The following PRKDC variants were observed in gnomAD, a reference collection of about 807,000 sequenced individuals.
The protein encoded by PRKDC is DNA-dependent protein kinase catalytic subunit.
In PRKDC, 82 loss-of-function variants were observed where a neutral mutation model predicts 486.9. The observed-to-expected ratio is 0.17, with a 90% CI of 0.14 to 0.20. The LOEUF is 0.20. Among genes scored for constraint, PRKDC ranks in the 10% least tolerant of loss-of-function variants. The pLI is 1.00. For missense variants in PRKDC, 4,504 were observed against 5,038.2 expected (o/e 0.89, Z 3.21); for synonymous variants, 1,895 against 1,837.0 (o/e 1.03, Z -0.81).
chr8:47,938,336 G>A (rs1016304007), intron 11 of PRKDC, among the ~76,000 whole-genome samples: 25 of 151,540 alleles, frequency 1.6e-4, no homozygotes, highest in African/African-American at 5.1e-4. Context: ...GCTTGAACCC[G>A]GGAGGTGGAG....
chr8:47,791,448 C>CT (rs1301253873), intron 74 of PRKDC, among the ~76,000 whole-genome samples: 1 of 152,124 alleles, frequency 6.6e-6, no homozygotes, highest in Non-Finnish European at 1.5e-5. Flanking sequence ...GCACTCTACC[C>CT]TGGGCAACAG....
chr8:47,850,356 T>G (rs532979376), intron 52 of PRKDC, among the ~76,000 whole-genome samples: 3 of 152,176 alleles, frequency 2.0e-5, no homozygotes, highest in Non-Finnish European at 4.4e-5. Flanking sequence ...ATGCAAAACG[T>G]TTTGAGCCTC....
At position 47,774,261 on chromosome 8, in the gene PRKDC, T is replaced by C; in HGVS notation, c.12299A>G (p.Glu4100Gly). 6.2e-7 allele frequency: 1 copy of C among 1,608,926 alleles called. No individual in the cohort carries two copies. Among genetic ancestry groups the C allele is most frequent in the Non-Finnish European group, 8.5e-7 (1 of 1,177,822 alleles). ...RAQEPESGLSEETQVKCLMDQ... is the reference protein window; with the variant it reads ...RAQEPESGLSGETQVKCLMDQ... ...CATCAGGCACTTCACTTGAGTCTCT[T>C]CTGAAAGCCCACTCTCTGGTTCTTG... Residue 4100 changes from glutamate to glycine, a missense_variant, in exon 86 of 86, where the codon GAA becomes GGA. Physicochemically the swap from Glu to Gly is moderately conservative, Grantham distance 98. Coordinates refer to ENST00000314191, the MANE Select transcript of PRKDC (RefSeq NM_006904.7).
chr8:47,907,392 A>G lies in PRKDC; in HGVS notation c.2935-2416T>C, dbSNP rs548967120. On this transcript the variant is annotated intron_variant, in intron 25 of 85. Transcript: ENST00000314191. The stretch of plus-strand genomic sequence containing the variant: ...CATAAGTTTTTTAATACATGTATAC[A>G]TAGCTATATATATATATATACACAC... Among the ~76,000 whole-genome samples, 40 of 137,662 alleles carry G rather than the reference A, an allele frequency of 2.9e-4. 1 individual carries two copies. The South Asian group carries it at 8.2e-3, about 28-fold the overall frequency. 90.3% of individuals were successfully genotyped at this position (137,662 alleles called of 152,430 possible).
intron 7 of PRKDC, among the ~76,000 whole-genome samples, chr8:47,948,380 T>TTACA (rs1427686950): frequency 6.6e-6 from 1 of 151,772 alleles, no homozygotes; most frequent in Admixed American, 6.6e-5. Context: ...AGTGCTGGGA[T>TTACA]TACAGGCGGG....
Position 47,773,592 on chromosome 8 carries a change from G to A in PRKDC, c.*581C>T. On this transcript the variant is annotated 3_prime_UTR_variant, in exon 86 of 86. Coordinates refer to ENST00000314191, the MANE Select transcript of PRKDC (RefSeq NM_006904.7). Reference sequence around the variant, plus strand: ...CTATCATAAAATGTCAAAACTAGAAGAGAATAAAATGAAAGGAAAAAACCT... The same window carrying A: ...CTATCATAAAATGTCAAAACTAGAAAAGAATAAAATGAAAGGAAAAAACCT... 4.5e-6 allele frequency: 1 copy of A among 220,716 alleles called. No homozygotes were observed. The highest frequency in any genetic ancestry group is 9.1e-6 in the Non-Finnish European group (1 of 110,428). The allele number at this position is 220,716 out of a possible 1,614,324, so 13.7% of individuals were successfully genotyped here.
intron 54 of PRKDC, among the ~76,000 whole-genome samples, chr8:47,843,688 C>T (rs965662226): frequency 6.6e-6 from 1 of 152,170 alleles, no homozygotes; most frequent in Admixed American, 6.5e-5. Context: ...ATCAGGCTAC[C>T]AGCGGGCCTC....
In PRKDC at chr8:47,929,959, A is replaced by G. The variant is rs2090223378; in HGVS notation, c.1946T>C (p.Phe649Ser). ...AGATTGCAAAATTAATTCATATGAA[A>G]ATGAGTACACCCATGGTTCAAAAAA... is the stretch of plus-strand genomic sequence containing the variant. ...AEFFEPWVYSFSYELILQSTR... is the reference protein window; with the variant it reads ...AEFFEPWVYSSSYELILQSTR... Residue 649 changes from phenylalanine (F) to serine (S), a missense_variant, in exon 18 of 86, where the codon TTT (phenylalanine) becomes TCT (serine). Physicochemically the swap from Phe to Ser is radical, Grantham distance 155. Around this residue, in one of 6 missense-constraint regions of PRKDC, gnomAD observed 1,969 missense variants for 2,068.9 expected, o/e 0.95. Coordinates refer to ENST00000314191, the MANE Select transcript of PRKDC (RefSeq NM_006904.7). 6.2e-7 allele frequency: 1 copy of G among 1,610,942 alleles called. No homozygotes were observed. Among genetic ancestry groups the G allele is most frequent in the Non-Finnish European group, 8.5e-7 (1 of 1,178,936 alleles).
rs772785569 is a variant in PRKDC at position 47,955,958 on chromosome 8, A to T, written c.325-10T>A. ...CACTGGTACAAGTGTTCTAGGTTTT[A>T]AAAAAAAAATAACCAAAATCATCAA... is the stretch of plus-strand genomic sequence containing the variant. On this transcript the variant is annotated splice_polypyrimidine_tract_variant and intron_variant, in intron 3 of 85. Transcript: ENST00000314191. 21 of 1,239,986 alleles carry T rather than the reference A, an allele frequency of 1.7e-5. No individual in the cohort carries two copies. The highest frequency in any genetic ancestry group is 2.2e-5 in the Non-Finnish European group (20 of 907,814). The allele number at this position is 1,239,986 out of a possible 1,614,324, so 76.8% of individuals were successfully genotyped here.
intron 73 of PRKDC, among the ~76,000 whole-genome samples, chr8:47,795,996 G>A (rs1450393386): frequency 1.3e-5 from 2 of 151,578 alleles, no homozygotes; most frequent in Middle Eastern, 3.4e-3. Context: ...CTGGGTTCAA[G>A]TGATTCTCCT....
At chr8:47,941,669 C>A (rs1018004612) in intron 10 of PRKDC, among the ~76,000 whole-genome samples, 12 of 152,162 alleles carry the variant, frequency 7.9e-5, no homozygotes, top group Admixed American at 3.9e-4. Flanking sequence ...GGCCCTTTAG[C>A]TGTAATAAAC....
intron 65 of PRKDC, 82 bp from the exon 66 acceptor site, chr8:47,821,025 G>A: frequency 1.1e-6 from 1 of 876,942 alleles, no homozygotes; most frequent in Non-Finnish European, 1.6e-6. Flanking sequence ...TATATTCTTT[G>A]CTATACTTTC....
chr8:47,860,803 T>G (rs1013459377), intron 45 of PRKDC, 96 bp downstream of exon 45: 4 of 920,320 alleles, frequency 4.3e-6, no homozygotes, highest in Non-Finnish European at 6.5e-6. Flanking sequence ...TCTATTTACA[T>G]AAAAAATACT....
chr8:47,958,519 T>C (rs888775955), intron 1 of PRKDC, among the ~76,000 whole-genome samples: 2 of 152,156 alleles, frequency 1.3e-5, no homozygotes, highest in African/African-American at 4.8e-5. Context: ...ACACTTCCCC[T>C]GGAATCTCTC....
At position 47,933,170 on chromosome 8, in the gene PRKDC, A is replaced by G; in HGVS notation, c.1626T>C (p.Asp542=). ...AAAATGCTTCATCTGCTAAAATAGA[A>G]TCCTTTAAATAAAGAAAAACAATAA... is the stretch of plus-strand genomic sequence containing the variant. ...RHLLSSDQMM[D]SILADEAFFS... Residue 542 remains aspartate (D), a splice_region_variant and synonymous_variant, in exon 16 of 86, where the codon GAT becomes GAC. Coordinates refer to ENST00000314191, the MANE Select transcript of PRKDC (RefSeq NM_006904.7). 6.7e-7 allele frequency: 1 copy of G among 1,493,966 alleles called. No individual in the cohort carries two copies. The highest frequency in any genetic ancestry group is 8.9e-7 in the Non-Finnish European group (1 of 1,123,832). The allele number at this position is 1,493,966 out of a possible 1,614,324, so 92.5% of individuals were successfully genotyped here.
chr8:47,896,557 G>C (rs2089585854), intron 30 of PRKDC, among the ~76,000 whole-genome samples: 1 of 151,412 alleles, frequency 6.6e-6, no homozygotes, highest in Non-Finnish European at 1.5e-5. Flanking sequence ...TGAGGCAAGA[G>C]AACGGCGTGA....
chr8:47,834,956 C>G (rs1216623658), intron 58 of PRKDC, among the ~76,000 whole-genome samples: 3 of 152,098 alleles, frequency 2.0e-5, no homozygotes, highest in Admixed American at 6.5e-5. Flanking sequence ...GCCCAAAGTG[C>G]TGGGATTACA....
intron 49 of PRKDC, among the ~76,000 whole-genome samples, chr8:47,856,656 A>G (rs1423319136): frequency 2.0e-5 from 3 of 152,340 alleles, no homozygotes; most frequent in East Asian, 1.9e-4. Context: ...ACACATGTCT[A>G]CACTGGTGGG....
At chr8:47,879,439 CAA>C in intron 39 of PRKDC, 50 bp downstream of exon 39, 3 of 1,445,450 alleles carry the variant, frequency 2.1e-6, no homozygotes, top group Non-Finnish European at 2.8e-6. Flanking sequence ...AGATATGTAA[CAA>C]GAAAAAAAAA....
Sources: allele counts gnomAD v4.1 joint callset (sites outside exome capture counted in the v4.1 genomes callset), GRCh38; gene constraint gnomAD v4.1.1; regional missense constraint gnomAD v4.1.1; transcripts MANE v1.5; gene names NCBI Gene and HGNC (gene_info 2026-07-23, HGNC 2026-07-21).